The following PDE8A variants were observed in gnomAD, a reference collection of about 807,000 sequenced individuals.
PDE8A encodes phosphodiesterase 8A, also known as high affinity cAMP-specific and IBMX-insensitive 3',5'-cyclic phosphodiesterase 8A.
PDE8A carries 59 observed loss-of-function variants against 105.0 expected under a neutral mutation model. That is an observed-to-expected ratio of 0.56 (90% CI 0.46 to 0.70). The LOEUF is 0.70. PDE8A is among the 30% of genes least tolerant of loss of function. The pLI is 0.00. For synonymous variants in PDE8A, 355 were observed against 371.9 expected (o/e 0.95, Z 0.52); for missense variants, 1,014 against 1,045.9 (o/e 0.97, Z 0.42).
chr15:85,076,700 T>C (rs2081384973), intron 4 of PDE8A, 33 bp from the exon 5 acceptor site: 2 of 1,378,000 alleles, frequency 1.5e-6, no homozygotes, highest in South Asian at 2.3e-5. Context: ...TGATAAAAAC[T>C]ATGTCTATGT....
intron 11 of PDE8A, among the ~76,000 whole-genome samples, chr15:85,104,730 G>A (rs928568024): frequency 5.3e-5 from 8 of 152,188 alleles, no homozygotes; most frequent in Non-Finnish European, 1.0e-4. Flanking sequence ...TGGATAGTAA[G>A]TTTAGATTTG....
chr15:85,035,893 G>A (rs2080698549), intron 1 of PDE8A, among the ~76,000 whole-genome samples: 2 of 152,138 alleles, frequency 1.3e-5, no homozygotes, highest in South Asian at 4.1e-4. Context: ...TGGTTTCATG[G>A]AAATAGTGTG....
intron 1 of PDE8A, among the ~76,000 whole-genome samples, chr15:85,018,348 G>C (rs2080363601): frequency 6.6e-6 from 1 of 152,134 alleles, no homozygotes; most frequent in Non-Finnish European, 1.5e-5. Context: ...TTTCTTCCTT[G>C]AGGATTTTTT....
At chr15:85,135,226 G>C (rs2082390146) in intron 20 of PDE8A, among the ~76,000 whole-genome samples, 1 of 152,142 alleles carries the variant, frequency 6.6e-6, no homozygotes, top group Non-Finnish European at 1.5e-5. Flanking sequence ...TCGGCTGTGA[G>C]TGTAGAAGAC....
At chr15:84,985,418 T>C (rs534232540) in intron 1 of PDE8A, among the ~76,000 whole-genome samples, 5 of 152,242 alleles carry the variant, frequency 3.3e-5, no homozygotes, top group African/African-American at 7.2e-5. Context: ...GAGTTTTGTT[T>C]ATTTTTAATC....
intron 3 of PDE8A, among the ~76,000 whole-genome samples, chr15:85,075,415 C>T (rs913612584): frequency 6.6e-6 from 1 of 152,152 alleles, no homozygotes; most frequent in Non-Finnish European, 1.5e-5. Context: ...CTTTGTGCTC[C>T]TTAGAATGCA....
intron 1 of PDE8A, among the ~76,000 whole-genome samples, chr15:85,053,744 A>G (rs931497591): frequency 7.9e-5 from 12 of 152,346 alleles, no homozygotes; most frequent in Non-Finnish European, 1.8e-4. Flanking sequence ...TTCTAAATAT[A>G]CAATCATGTC....
intron 1 of PDE8A, among the ~76,000 whole-genome samples, chr15:85,027,560 C>T (rs2080539136): frequency 6.6e-6 from 1 of 152,182 alleles, no homozygotes; most frequent in South Asian, 2.1e-4. Flanking sequence ...TTAGTTATTC[C>T]TACCCTTTCA....
chr15:85,010,234 G>A (rs1356335976), intron 1 of PDE8A, among the ~76,000 whole-genome samples: 1 of 151,972 alleles, frequency 6.6e-6, no homozygotes, highest in African/African-American at 2.4e-5. Context: ...GCACACTTAG[G>A]GTTTATATTC....
At chr15:85,023,315 C>T (rs1441056664) in intron 1 of PDE8A, among the ~76,000 whole-genome samples, 1 of 152,160 alleles carries the variant, frequency 6.6e-6, no homozygotes, top group Non-Finnish European at 1.5e-5. Flanking sequence ...TTGGTGGCCT[C>T]AGTCTGCAAG....
intron 8 of PDE8A, among the ~76,000 whole-genome samples, chr15:85,094,898 C>G (rs1351832723): frequency 6.6e-6 from 1 of 152,170 alleles, no homozygotes; most frequent in African/African-American, 2.4e-5. Context: ...TGTCATGTTG[C>G]TTCCTCAGCA....
chr15:85,025,267 A>AG (rs2080496166), intron 1 of PDE8A, among the ~76,000 whole-genome samples: 1 of 152,102 alleles, frequency 6.6e-6, no homozygotes, highest in South Asian at 2.1e-4. Flanking sequence ...TTTGCTTTTA[A>AG]GGGGCACTCC....
intron 1 of PDE8A, among the ~76,000 whole-genome samples, chr15:84,989,462 G>A (rs1405353704): frequency 1.3e-5 from 2 of 152,206 alleles, no homozygotes; most frequent in Non-Finnish European, 2.9e-5. Context: ...CAAAGCGCTG[G>A]TGGCACATCA....
intron 1 of PDE8A, chr15:85,064,067 G>A (rs2081185617): frequency 3.8e-6 from 1 of 266,314 alleles, no homozygotes; most frequent in South Asian, 8.3e-5. Context: ...TTTAACAAAT[G>A]AGAAGTTGAG....
In PDE8A at chr15:84,987,702, C is replaced by G. The variant is rs141699744; in HGVS notation, c.186+5354C>G. 6.6e-3 allele frequency among the ~76,000 whole-genome samples: 1,008 copies of G among 151,816 alleles called. 3 individuals carry two copies. The highest frequency in any genetic ancestry group is 0.012 in the Non-Finnish European group (783 of 67,954). ...ATATTGGTCAGGCTGGTTTTGAACT[C>G]CTGATCTCAGGTGATCTGCCCACCT... On this transcript the variant is annotated intron_variant, in intron 1 of 21. Transcript: ENST00000394553.
chr15:85,123,314 T>C lies in PDE8A; in HGVS notation c.2085+121T>C, dbSNP rs939413779. ...TTCCCTCAGTGAGTCTATTAGACTCTTACAGGGACAGAACTAATGGGATAC... is the reference window on the plus strand; with the variant it reads ...TTCCCTCAGTGAGTCTATTAGACTCCTACAGGGACAGAACTAATGGGATAC... On this transcript the variant is annotated intron_variant, in intron 19 of 21. Coordinates refer to ENST00000394553, the MANE Select transcript of PDE8A (RefSeq NM_002605.3). 3 of 742,940 alleles carry C rather than the reference T, an allele frequency of 4.0e-6. No homozygotes were observed. The African/African-American group carries it at 5.5e-5, about 14-fold the overall frequency. The allele number at this position is 742,940 out of a possible 1,614,324, so 46.0% of individuals were successfully genotyped here.
At chr15:85,115,715 T>C in intron 15 of PDE8A, 2 of 525,082 alleles carry the variant, frequency 3.8e-6, no homozygotes, top group South Asian at 5.3e-5. Context: ...AGGTCAGGAG[T>C]TCAAGACCAG....
chr15:85,111,450 C>G (rs2082019720), intron 12 of PDE8A, among the ~76,000 whole-genome samples: 1 of 152,176 alleles, frequency 6.6e-6, no homozygotes, highest in Non-Finnish European at 1.5e-5. Context: ...TCCAACTCGT[C>G]TATCACCATA....
intron 13 of PDE8A, 140 bp from the exon 14 acceptor site, chr15:85,113,733 T>C: frequency 1.5e-6 from 1 of 674,918 alleles, no homozygotes; most frequent in Non-Finnish European, 2.5e-6. Context: ...TTGCCCAGGC[T>C]AGTCTCAAAC....
Sources: allele counts gnomAD v4.1 joint callset (sites outside exome capture counted in the v4.1 genomes callset), GRCh38; gene constraint gnomAD v4.1.1; transcripts MANE v1.5; gene names NCBI Gene and HGNC (gene_info 2026-07-23, HGNC 2026-07-21).